Variants in FOCAD observed in about 807,000 individuals in gnomAD.
FOCAD encodes the protein focadhesin, also known as KIAA1797.
A neutral mutation model predicts 225.6 loss-of-function variants in FOCAD; 198 were observed. The observed-to-expected ratio is 0.88, with a 90% CI of 0.78 to 0.99. The LOEUF is 0.99. FOCAD is among the 50% of genes least tolerant of loss of function. The pLI is 0.00. For missense variants in FOCAD, 2,713 were observed against 2,123.6 expected (o/e 1.28, Z -5.46); for synonymous variants, 897 against 755.0 (o/e 1.19, Z -3.08).
rs553332597 is a variant in FOCAD at position 20,916,436 on chromosome 9, A to C, written c.2808-457A>C. On this transcript the variant is annotated intron_variant, in intron 23 of 43. Transcript: ENST00000338382. The stretch of plus-strand genomic sequence containing the variant: ...TCATATGTACAATTTGAAAATTGTA[A>C]ATTGATGTTTTGGTGAGCTCTCATG... Among the ~76,000 whole-genome samples the C allele has an allele frequency of 7.9e-5, 12 of 152,284 alleles. No individual in the cohort carries two copies. In the South Asian group the frequency reaches 8.3e-4, roughly 11 times the overall value.
At chr9:20,903,971 G>T (rs1832751911) in intron 21 of FOCAD, among the ~76,000 whole-genome samples, 1 of 151,552 alleles carries the variant, frequency 6.6e-6, no homozygotes, top group African/African-American at 2.4e-5. Context: ...TGTCTCTATG[G>T]CTTTACCTAT....
chr9:20,870,320 A>T (rs1369353465), intron 18 of FOCAD, among the ~76,000 whole-genome samples: 1 of 152,198 alleles, frequency 6.6e-6, no homozygotes, highest in African/African-American at 2.4e-5. Context: ...TAATTTATGC[A>T]GATACTTGAC....
At position 20,976,544 on chromosome 9, in the gene FOCAD, T is replaced by G; in HGVS notation, c.4257T>G (p.Asn1419Lys). The change falls in exon 36 of 44, where the codon AAT becomes AAG. Residue 1419 changes from asparagine (N) to lysine (K), a missense_variant. Transcript: ENST00000338382. ...AALLSPLMRL[N>K]FGEEIQQLCL... ...TTCTCTCTCCACTTATGAGGCTAAA[T>G]TTTGGTAAATATCATGTGTTTTTAA... 6.2e-7 allele frequency: 1 copy of G among 1,612,762 alleles called. No individual in the cohort carries two copies. The highest frequency in any genetic ancestry group is 8.5e-7 in the Non-Finnish European group (1 of 1,178,990).
chr9:20,770,687 G>T (rs1026861148), intron 8 of FOCAD, among the ~76,000 whole-genome samples: 1 of 152,168 alleles, frequency 6.6e-6, no homozygotes, highest in African/African-American at 2.4e-5. Flanking sequence ...TATTGTGTCA[G>T]TTATCACTCA....
intron 18 of FOCAD, among the ~76,000 whole-genome samples, chr9:20,873,395 A>G (rs568244811): frequency 4.6e-5 from 7 of 152,164 alleles, no homozygotes; most frequent in Non-Finnish European, 7.3e-5. Flanking sequence ...CAGACTAGAC[A>G]CTTGAAAAAC....
chr9:20,829,118 T>C (rs1825224900), intron 15 of FOCAD, among the ~76,000 whole-genome samples: 1 of 152,134 alleles, frequency 6.6e-6, no homozygotes, highest in Non-Finnish European at 1.5e-5. Flanking sequence ...TGTGTCTTTG[T>C]AATAGAATGA....
intron 6 of FOCAD, among the ~76,000 whole-genome samples, chr9:20,758,652 G>A (rs575639587): frequency 6.6e-6 from 1 of 152,044 alleles, no homozygotes; most frequent in Admixed American, 6.6e-5. Flanking sequence ...TACTGAGAAT[G>A]ATGATTTCCA....
At chr9:20,818,607 C>G (rs1285168468) in intron 11 of FOCAD, among the ~76,000 whole-genome samples, 1 of 152,070 alleles carries the variant, frequency 6.6e-6, no homozygotes, top group African/African-American at 2.4e-5. Context: ...AATTCCAGCA[C>G]TATCCCTCCG....
chr9:20,729,927 C>T (rs1826533894), intron 4 of FOCAD, among the ~76,000 whole-genome samples: 2 of 152,054 alleles, frequency 1.3e-5, no homozygotes, highest in Admixed American at 6.6e-5. Context: ...CCCCCACCTC[C>T]CAGAATATTT....
At chr9:20,869,628 T>C (rs1313470817) in intron 18 of FOCAD, among the ~76,000 whole-genome samples, 1 of 152,106 alleles carries the variant, frequency 6.6e-6, no homozygotes. Context: ...ATAATATGAG[T>C]TAAGAATTTG....
At position 20,740,332 on chromosome 9, in the gene FOCAD, T is replaced by TAC; in HGVS notation, c.385_386dup (p.Ile130ProfsTer9). The TAC allele has an allele frequency of 6.4e-7, 1 of 1,553,842 alleles. No individual in the cohort carries two copies. The highest frequency in any genetic ancestry group is 1.2e-5 in the South Asian group (1 of 83,274). On this transcript the variant is annotated frameshift_variant, in exon 5 of 44. Transcript: ENST00000338382. LOFTEE classifies it high-confidence loss of function. ...GGGAAAAGAATATTCAGAGTATATA[T>TAC]ACCATTAGGTAAGCCTTTTTTCTGT...
At chr9:20,815,609 A>G (rs1268779286) in intron 11 of FOCAD, among the ~76,000 whole-genome samples, 1 of 148,040 alleles carries the variant, frequency 6.8e-6, no homozygotes, top group African/African-American at 2.5e-5. Flanking sequence ...TCATAGTCTT[A>G]TAGGGGCTCC....
chr9:20,780,088 G>A (rs760000552), intron 9 of FOCAD, among the ~76,000 whole-genome samples: 5 of 152,150 alleles, frequency 3.3e-5, no homozygotes, highest in Admixed American at 6.5e-5. Context: ...TTATTGAGGT[G>A]TAATTTACAT....
chr9:20,939,442 T>C (rs2132280086), intron 28 of FOCAD, among the ~76,000 whole-genome samples: 1 of 152,006 alleles, frequency 6.6e-6, no homozygotes, highest in Non-Finnish European at 1.5e-5. Context: ...TGGGAAAAAA[T>C]GTGAGATTAA....
At chr9:20,749,397 G>C (rs1444168731) in intron 5 of FOCAD, among the ~76,000 whole-genome samples, 1 of 152,030 alleles carries the variant, frequency 6.6e-6, no homozygotes, top group East Asian at 1.9e-4. Context: ...TTGTGTTGTA[G>C]GATATATAGA....
intron 19 of FOCAD, among the ~76,000 whole-genome samples, chr9:20,877,692 C>A (rs574278243): frequency 6.6e-6 from 1 of 152,062 alleles, no homozygotes; most frequent in Non-Finnish European, 1.5e-5. Context: ...CAAAATCATT[C>A]GAAAACCTCA....
intron 35 of FOCAD, among the ~76,000 whole-genome samples, chr9:20,962,417 C>CATACATACAT (rs1554743599): frequency 1.5e-4 from 23 of 149,196 alleles, no homozygotes; most frequent in Middle Eastern, 3.5e-3. Flanking sequence ...TATACACACA[C>CATACATACAT]ACATACATAC....
chr9:20,667,125 C>G (rs891565190), intron 2 of FOCAD, among the ~76,000 whole-genome samples: 11 of 152,206 alleles, frequency 7.2e-5, no homozygotes, highest in Non-Finnish European at 1.2e-4. Flanking sequence ...AATTTCGAAT[C>G]TACCACTAAT....
At chr9:20,812,133 C>G (rs1823144714) in intron 11 of FOCAD, among the ~76,000 whole-genome samples, 2 of 152,000 alleles carry the variant, frequency 1.3e-5, no homozygotes, top group South Asian at 4.1e-4. Context: ...TAATTCAGGT[C>G]TAGTTTTATA....
Sources: allele counts gnomAD v4.1 joint callset (sites outside exome capture counted in the v4.1 genomes callset), GRCh38; gene constraint gnomAD v4.1.1; transcripts MANE v1.5; gene names NCBI Gene and HGNC (gene_info 2026-07-23, HGNC 2026-07-21).